The following ERC2 variants were observed in gnomAD, a reference collection of about 807,000 sequenced individuals.
ERC2 encodes the protein ELKS/RAB6-interacting/CAST family member 2, also known as ERC protein 2.
A neutral mutation model predicts 114.8 loss-of-function variants in ERC2; 42 were observed. That is an observed-to-expected ratio of 0.37 (90% CI 0.29 to 0.47). The LOEUF (loss-of-function observed/expected upper bound fraction) is 0.47, where lower values mean the gene tolerates loss of function less well. Ranked by LOEUF, ERC2 falls within the 20% of genes least tolerant of loss-of-function variation. ERC2 has a pLI of 0.99. For missense variants in ERC2, 939 were observed against 1,150.7 expected, an observed-to-expected ratio of 0.82 and a Z score of 2.66; for synonymous variants, 454 against 425.5, an observed-to-expected ratio of 1.07 and a Z score of -0.82.
In ERC2 at chr3:55,828,467, G is replaced by GGCAGCAGGC. The variant is rs1178911238; in HGVS notation, c.2564+59921_2564+59922insGCCTGCTGC. On this transcript the variant is annotated intron_variant, in intron 14 of 17. Coordinates refer to ENST00000288221, the MANE Select transcript of ERC2 (RefSeq NM_015576.3). ...AAGGCGGAGTGTAGCTGGCAGCAGG[G>GGCAGCAGGC]GCAGCAGGGGCAGCAGGGGCAGCAG... Among the ~76,000 whole-genome samples the GGCAGCAGGC allele has an allele frequency of 4.2e-4, 62 of 148,702 alleles. 1 individual carries two copies. The South Asian group carries it at 4.6e-3, about 11-fold the overall frequency.
chr3:56,146,075 T>C (rs372312637), intron 5 of ERC2, among the ~76,000 whole-genome samples: 17 of 152,106 alleles, frequency 1.1e-4, no homozygotes, highest in African/African-American at 4.1e-4. Context: ...TCACTTGAGA[T>C]CAGGAGTTTG....
intron 10 of ERC2, among the ~76,000 whole-genome samples, chr3:55,997,922 GTTTTT>G (rs1559997200): frequency 1.1e-3 from 40 of 36,044 alleles, no homozygotes; most frequent in Admixed American, 1.7e-3. Flanking sequence ...GTGTGTGTGT[GTTTTT>G]TGTTTTTTTT....
intron 13 of ERC2, among the ~76,000 whole-genome samples, chr3:55,948,228 A>C (rs1175860055): frequency 6.6e-6 from 1 of 152,218 alleles, no homozygotes; most frequent in Admixed American, 6.5e-5. Flanking sequence ...TTTTCTGGAT[A>C]TAATACCTGT....
intron 7 of ERC2, among the ~76,000 whole-genome samples, chr3:56,040,616 A>ATAGATGTATATGTATATATACATATG: frequency 1.4e-5 from 1 of 70,806 alleles, no homozygotes; most frequent in African/African-American, 4.9e-5. Context: ...TATATAATAT[A>ATAGATGTATATGTATATATACATATG]TAGATGTATA....
intron 14 of ERC2, among the ~76,000 whole-genome samples, chr3:55,861,234 C>T (rs1334390221): frequency 6.6e-6 from 1 of 152,218 alleles, no homozygotes. Context: ...AAGGCAGATC[C>T]ATCATTCTTG....
intron 17 of ERC2, among the ~76,000 whole-genome samples, chr3:55,656,701 T>C (rs2060883579): frequency 6.6e-6 from 1 of 152,206 alleles, no homozygotes; most frequent in Non-Finnish European, 1.5e-5. Context: ...AGTCTCTTCT[T>C]GTAGGAAGTC....
At chr3:55,616,966 T>C (rs1490267946) in intron 17 of ERC2, among the ~76,000 whole-genome samples, 1 of 152,172 alleles carries the variant, frequency 6.6e-6, no homozygotes, top group Admixed American at 6.5e-5. Context: ...AGTTAGGCGT[T>C]ACTCCAACCC....
intron 3 of ERC2, among the ~76,000 whole-genome samples, chr3:56,218,945 C>T (rs1471707559): frequency 6.6e-6 from 1 of 151,970 alleles, no homozygotes; most frequent in Non-Finnish European, 1.5e-5. Flanking sequence ...ACAATGAGAA[C>T]ACATGGACAC....
intron 14 of ERC2, among the ~76,000 whole-genome samples, chr3:55,841,287 G>T (rs1302202079): frequency 6.6e-6 from 1 of 152,108 alleles, no homozygotes; most frequent in East Asian, 1.9e-4. Context: ...AATCATGGGG[G>T]TGGATCTTTC....
intron 2 of ERC2, among the ~76,000 whole-genome samples, chr3:56,390,946 A>G (rs573228539): frequency 5.9e-5 from 9 of 152,324 alleles, no homozygotes; most frequent in Non-Finnish European, 1.0e-4. Flanking sequence ...AAGAAAATGC[A>G]CTAACTGAAG....
intron 10 of ERC2, among the ~76,000 whole-genome samples, chr3:56,005,369 G>A (rs186922415): frequency 1.3e-5 from 2 of 152,092 alleles, no homozygotes; most frequent in East Asian, 1.9e-4. Context: ...GTCTACCTGC[G>A]AGTCAAAGGA....
At chr3:56,202,471 T>C (rs2150098933) in intron 3 of ERC2, among the ~76,000 whole-genome samples, 1 of 151,028 alleles carries the variant, frequency 6.6e-6, no homozygotes, top group South Asian at 2.1e-4. Flanking sequence ...GCAAACATAA[T>C]AGGGTATTCT....
chr3:55,552,129 GA>G (rs2055250048), intron 17 of ERC2, among the ~76,000 whole-genome samples: 1 of 152,198 alleles, frequency 6.6e-6, no homozygotes, highest in Admixed American at 6.5e-5. Flanking sequence ...AGAGTGCAGA[GA>G]GGAGGCTTCC....
intron 14 of ERC2, among the ~76,000 whole-genome samples, chr3:55,766,389 C>T (rs1011577868): frequency 1.3e-5 from 2 of 151,814 alleles, no homozygotes; most frequent in African/African-American, 2.4e-5. Context: ...GATGGAGTCT[C>T]GCTCTGTCGC....
intron 6 of ERC2, among the ~76,000 whole-genome samples, chr3:56,127,719 T>C (rs1259124720): frequency 6.9e-6 from 1 of 145,124 alleles, no homozygotes; most frequent in African/African-American, 2.6e-5. Context: ...CAAAACTCTG[T>C]CTCAAAAGAA....
At chr3:56,317,922 A>C (rs1326617083) in intron 2 of ERC2, among the ~76,000 whole-genome samples, 1 of 152,182 alleles carries the variant, frequency 6.6e-6, no homozygotes, top group Non-Finnish European at 1.5e-5. Flanking sequence ...AGGAAATAAG[A>C]TATTTGAGAG....
chr3:55,532,056 G>A (rs1270753158), intron 17 of ERC2, among the ~76,000 whole-genome samples: 1 of 152,348 alleles, frequency 6.6e-6, no homozygotes, highest in Non-Finnish European at 1.5e-5. Flanking sequence ...AGCTACACAA[G>A]ATCTTTGGCT....
At chr3:56,230,230 C>T (rs1046280871) in intron 3 of ERC2, among the ~76,000 whole-genome samples, 8 of 152,132 alleles carry the variant, frequency 5.3e-5, no homozygotes, top group African/African-American at 1.2e-4. Flanking sequence ...CTGATTAAGA[C>T]ATCTCTGATG....
intron 2 of ERC2, among the ~76,000 whole-genome samples, chr3:56,328,769 AAG>A (rs2057477148): frequency 6.6e-6 from 1 of 152,198 alleles, no homozygotes; most frequent in Admixed American, 6.5e-5. Flanking sequence ...ACACAAGAAT[AAG>A]AGCCAGATTG....
Sources: allele counts gnomAD v4.1 joint callset (sites outside exome capture counted in the v4.1 genomes callset), GRCh38; gene constraint gnomAD v4.1.1; transcripts MANE v1.5; gene names NCBI Gene and HGNC (gene_info 2026-07-23, HGNC 2026-07-21).